Variants in GALNTL6 observed in about 807,000 individuals in gnomAD.
GALNTL6 encodes the protein polypeptide N-acetylgalactosaminyltransferase-like 6.
A neutral mutation model predicts 73.7 loss-of-function variants in GALNTL6; 46 were observed. The ratio of observed to expected loss-of-function variants is 0.62; its 90% CI spans 0.49 to 0.80. The LOEUF is 0.80. GALNTL6 is among the 30% of genes least tolerant of loss of function. The probability of loss-of-function intolerance (pLI) is 0.00; values close to 1 mark genes in which losing one functional copy is unlikely to be tolerated. For missense variants in GALNTL6, 604 were observed against 755.0 expected (o/e 0.80, Z 2.34); for synonymous variants, 259 against 263.7 (o/e 0.98, Z 0.17).
chr4:172,864,320 A>G (rs1279185652), intron 7 of GALNTL6, among the ~76,000 whole-genome samples: 1 of 152,164 alleles, frequency 6.6e-6, no homozygotes, highest in Non-Finnish European at 1.5e-5. Context: ...ACCCACTCAT[A>G]GCATTCATCA....
At chr4:172,664,726 T>C (rs1466356370) in intron 5 of GALNTL6, among the ~76,000 whole-genome samples, 2 of 152,192 alleles carry the variant, frequency 1.3e-5, no homozygotes, top group African/African-American at 4.8e-5. Flanking sequence ...TCCTCCAAAC[T>C]AGACTCTCTT....
chr4:172,216,045 A>G (rs1736487722), intron 2 of GALNTL6, among the ~76,000 whole-genome samples: 2 of 152,156 alleles, frequency 1.3e-5, no homozygotes, highest in Non-Finnish European at 2.9e-5. Context: ...TGTTGTTGCT[A>G]ATATTACTTT....
At chr4:171,982,348 A>G (rs1739922746) in intron 2 of GALNTL6, among the ~76,000 whole-genome samples, 1 of 152,094 alleles carries the variant, frequency 6.6e-6, no homozygotes, top group Non-Finnish European at 1.5e-5. Flanking sequence ...CCCAGGCTGG[A>G]GTGCAGTGGC....
chr4:172,881,111 CTG>C (rs1265470840), intron 7 of GALNTL6, among the ~76,000 whole-genome samples: 1 of 152,108 alleles, frequency 6.6e-6, no homozygotes, highest in East Asian at 1.9e-4. Flanking sequence ...TTAAATAAGA[CTG>C]AGAATTTCTG....
chr4:172,634,209 C>CATTTATGAGGTATAAATTAT (rs1739542225), intron 5 of GALNTL6, among the ~76,000 whole-genome samples: 2 of 152,162 alleles, frequency 1.3e-5, no homozygotes, highest in African/African-American at 4.8e-5. Flanking sequence ...TGTTATGCTT[C>CATTTATGAGGTATAAATTAT]TCATCTGGAG....
At chr4:171,876,260 C>T (rs900666081) in intron 2 of GALNTL6, among the ~76,000 whole-genome samples, 2 of 152,076 alleles carry the variant, frequency 1.3e-5, no homozygotes, top group Non-Finnish European at 2.9e-5. Flanking sequence ...TACAGAAAGA[C>T]GTCTTAAAAC....
chr4:172,743,215 A>T (rs538062301), intron 5 of GALNTL6, among the ~76,000 whole-genome samples: 3 of 152,152 alleles, frequency 2.0e-5, no homozygotes, highest in South Asian at 4.2e-4. Flanking sequence ...ATATCATGAG[A>T]TCTACTTGAT....
chr4:172,869,842 T>TA (rs1561003622), intron 7 of GALNTL6, among the ~76,000 whole-genome samples: 1 of 152,122 alleles, frequency 6.6e-6, no homozygotes, highest in Non-Finnish European at 1.5e-5. Flanking sequence ...AACCCATGCA[T>TA]AAACTAATCA....
chr4:172,116,666 A>G (rs1732993049), intron 2 of GALNTL6, among the ~76,000 whole-genome samples: 1 of 152,232 alleles, frequency 6.6e-6, no homozygotes, highest in African/African-American at 2.4e-5. Flanking sequence ...GTCTCCAATC[A>G]CATATGAAAA....
intron 5 of GALNTL6, among the ~76,000 whole-genome samples, chr4:172,568,757 CAAAAAA>C (rs71592082): frequency 6.0e-5 from 4 of 67,076 alleles, no homozygotes; most frequent in Admixed American, 2.2e-4. Flanking sequence ...GACTCCATCT[CAAAAAA>C]AAAAAAAAAA....
rs78811964 is a variant in GALNTL6, at chr4:172,671,193, A to G, written c.554-138168A>G. ...TTTTTCTAGTTCTGTGAAAAATGTC[A>G]GTGGTGATTTAATAGAAATAATATT... On this transcript the variant is annotated intron_variant, in intron 5 of 12. Coordinates refer to ENST00000506823, the MANE Select transcript of GALNTL6 (RefSeq NM_001034845.3). Among the ~76,000 whole-genome samples, 1,249 of 152,286 alleles carry G rather than the reference A, an allele frequency of 8.2e-3. 14 individuals are homozygous for G. The highest frequency in any genetic ancestry group is 0.025 in the African/African-American group (1,036 of 41,538).
At chr4:173,012,766 G>A (rs1243999408) in intron 11 of GALNTL6, among the ~76,000 whole-genome samples, 1 of 152,144 alleles carries the variant, frequency 6.6e-6, no homozygotes, top group Non-Finnish European at 1.5e-5. Context: ...CCTCTCTCAG[G>A]TCCAAGGCAG....
intron 5 of GALNTL6, among the ~76,000 whole-genome samples, chr4:172,470,491 A>G (rs1733005201): frequency 6.6e-6 from 1 of 152,196 alleles, no homozygotes; most frequent in African/African-American, 2.4e-5. Context: ...AACAGAAAAC[A>G]TAATGCTTAT....
intron 2 of GALNTL6, among the ~76,000 whole-genome samples, chr4:171,836,185 G>T (rs919870453): frequency 6.6e-6 from 1 of 151,990 alleles, no homozygotes; most frequent in Non-Finnish European, 1.5e-5. Context: ...AAATGGGGTT[G>T]GGCTAGATGA....
At chr4:172,902,112 G>C (rs189114014) in intron 8 of GALNTL6, among the ~76,000 whole-genome samples, 2 of 152,196 alleles carry the variant, frequency 1.3e-5, no homozygotes, top group East Asian at 3.9e-4. Flanking sequence ...GTTGCCCCTG[G>C]AAACACAGAG....
At chr4:172,464,199 C>A (rs1732719336) in intron 5 of GALNTL6, among the ~76,000 whole-genome samples, 1 of 151,870 alleles carries the variant, frequency 6.6e-6, no homozygotes, top group African/African-American at 2.4e-5. Flanking sequence ...CTGCACCTGG[C>A]CCTTTGTTTT....
intron 3 of GALNTL6, among the ~76,000 whole-genome samples, chr4:172,234,685 C>T (rs1344244431): frequency 6.6e-6 from 1 of 152,018 alleles, no homozygotes; most frequent in African/African-American, 2.4e-5. Context: ...TTAATAGCTA[C>T]ATTTGATTTG....
chr4:172,207,614 G>T (rs1302119645), intron 2 of GALNTL6, among the ~76,000 whole-genome samples: 3 of 152,158 alleles, frequency 2.0e-5, no homozygotes, highest in Non-Finnish European at 4.4e-5. Context: ...CTGGGAAGCT[G>T]CATGGTAGTA....
intron 2 of GALNTL6, among the ~76,000 whole-genome samples, chr4:171,943,727 A>C (rs995631233): frequency 6.6e-6 from 1 of 152,198 alleles, no homozygotes; most frequent in Non-Finnish European, 1.5e-5. Context: ...AAAGAATTCA[A>C]ATGCAAAGAG....
Sources: allele counts gnomAD v4.1 joint callset (sites outside exome capture counted in the v4.1 genomes callset), GRCh38; gene constraint gnomAD v4.1.1; transcripts MANE v1.5; gene names NCBI Gene and HGNC (gene_info 2026-07-23, HGNC 2026-07-21).